Variants in COPG2 observed in about 807,000 individuals in gnomAD.
COPG2 encodes the protein coat protein complex I subunit gamma 2, also known as coatomer subunit gamma-2.
A neutral mutation model predicts 46.3 loss-of-function variants in COPG2; 37 were observed. The ratio of observed to expected loss-of-function variants is 0.80; its 90% confidence interval spans 0.61 to 1.05. The LOEUF (loss-of-function observed/expected upper bound fraction) is 1.05, where lower values mean the gene tolerates loss of function less well. Among genes scored for constraint, COPG2 ranks in the 50% least tolerant of loss-of-function variants. COPG2 has a pLI of 0.00. For missense variants in COPG2, 427 were observed against 387.8 expected, an observed-to-expected ratio of 1.10 and a Z score of -0.85; for synonymous variants, 159 against 129.7, an observed-to-expected ratio of 1.23 and a Z score of -1.53.
intron 6 of COPG2, among the ~76,000 whole-genome samples, 174 bp downstream of exon 6, chr7:130,616,816 A>G (rs1308921729): frequency 2.0e-5 from 3 of 152,190 alleles, no homozygotes; most frequent in African/African-American, 7.2e-5. Flanking sequence ...TAAATAAAGG[A>G]AAAAAATCTG....
In COPG2 at chr7:130,552,394, T is replaced by C; in HGVS notation, c.1505A>G (p.Asn502Ser). The change falls in exon 15 of 24, where the codon AAT (asparagine) becomes AGT (serine). Residue 502 changes from asparagine to serine, a missense_variant. Physicochemically the swap from Asn to Ser is conservative, Grantham distance 46. Transcript: ENST00000425248. ...AAGGATGCTTGGGAGAAGACTCTCA[T>C]TCTGAGCCCCAAATTTAGCCAAAGC... ...VSALAKFGAQ[N>S]ESLLPSILVL... The C allele has an allele frequency of 2.5e-6, 1 of 398,416 alleles. No individual in the cohort carries two copies. 24.7% of individuals were successfully genotyped at this position (398,416 alleles called of 1,614,324 possible).
At chr7:130,564,915 C>G (rs1341857199) in intron 9 of COPG2, among the ~76,000 whole-genome samples, 3 of 152,140 alleles carry the variant, frequency 2.0e-5, no homozygotes, top group African/African-American at 7.2e-5. Flanking sequence ...CATGAAAAGC[C>G]CTATGCCCAG....
At chr7:130,621,473 T>C (rs1795037015) in intron 5 of COPG2, among the ~76,000 whole-genome samples, 1 of 152,210 alleles carries the variant, frequency 6.6e-6, no homozygotes, top group Non-Finnish European at 1.5e-5. Context: ...CAAAGGCAGT[T>C]ATACACAATA....
intron 20 of COPG2, among the ~76,000 whole-genome samples, chr7:130,510,530 G>A (rs370007817): frequency 8.5e-5 from 13 of 152,172 alleles, no homozygotes; most frequent in South Asian, 8.3e-4. Flanking sequence ...ATTAAGCAGA[G>A]AGGCTACAGC....
intron 9 of COPG2, among the ~76,000 whole-genome samples, chr7:130,586,421 A>C (rs1489410494): frequency 6.6e-6 from 1 of 152,012 alleles, no homozygotes; most frequent in African/African-American, 2.4e-5. Flanking sequence ...TAAAGAACTT[A>C]CTTGTGTAAC....
At chr7:130,641,499 T>C (rs1353080699) in intron 5 of COPG2, among the ~76,000 whole-genome samples, 2 of 152,166 alleles carry the variant, frequency 1.3e-5, no homozygotes. Flanking sequence ...AGGACTATGG[T>C]TTCTGAAAGC....
intron 5 of COPG2, among the ~76,000 whole-genome samples, chr7:130,625,031 C>T (rs1795094353): frequency 6.6e-6 from 1 of 152,214 alleles, no homozygotes; most frequent in Non-Finnish European, 1.5e-5. Flanking sequence ...TTCCCATCAG[C>T]AGTGTAATAA....
chr7:130,540,197 T>G (rs2116369672), intron 20 of COPG2, among the ~76,000 whole-genome samples: 1 of 152,140 alleles, frequency 6.6e-6, no homozygotes, highest in Non-Finnish European at 1.5e-5. Flanking sequence ...ACTTTCTTAT[T>G]TAACTGAGCT....
At chr7:130,657,773 C>T (rs906439843) in intron 4 of COPG2, among the ~76,000 whole-genome samples, 3 of 151,380 alleles carry the variant, frequency 2.0e-5, no homozygotes, top group African/African-American at 7.3e-5. Flanking sequence ...GGTAAAAATA[C>T]AAATGAAAAG....
chr7:130,616,995 T>C lies in COPG2; in HGVS notation c.394A>G (p.Thr132Ala), dbSNP rs782048519. ...CAGTGAAACAGATAACTTACATCGG[T>C]GATCCTGCAGAGAGCTCTGATGGCC... ...GPAIRALCRI[T>A]DGTMLQAIER... Residue 132 changes from threonine to alanine, a missense_variant, in exon 6 of 24, where the codon ACC (threonine) becomes GCC (alanine). Transcript: ENST00000425248. 2.9e-5 allele frequency: 46 copies of C among 1,605,852 alleles called. No homozygotes were observed. In the South Asian group the frequency reaches 5.1e-4, roughly 18 times the overall value.
chr7:130,614,289 G>A (rs1794907742), intron 6 of COPG2, among the ~76,000 whole-genome samples: 1 of 152,150 alleles, frequency 6.6e-6, no homozygotes, highest in South Asian at 2.1e-4. Flanking sequence ...GTCTCACGCT[G>A]CTACCAATGT....
At chr7:130,555,596 G>A (rs1490287405) in intron 12 of COPG2, among the ~76,000 whole-genome samples, 1 of 152,162 alleles carries the variant, frequency 6.6e-6, no homozygotes, top group Non-Finnish European at 1.5e-5. Context: ...GGAGGCTAAG[G>A]TGGGTGGATC....
intron 5 of COPG2, among the ~76,000 whole-genome samples, chr7:130,626,413 T>A (rs1418382253): frequency 1.2e-4 from 18 of 148,940 alleles, no homozygotes; most frequent in Admixed American, 3.3e-4. Context: ...TTTTTTTTTT[T>A]TTTTTTTTCT....
chr7:130,524,370 G>C (rs1462563929), intron 20 of COPG2, among the ~76,000 whole-genome samples: 3 of 152,188 alleles, frequency 2.0e-5, no homozygotes, highest in Admixed American at 6.5e-5. Flanking sequence ...AGGTGGGACA[G>C]TACCGTGCTA....
intron 9 of COPG2, among the ~76,000 whole-genome samples, chr7:130,604,953 T>C (rs913028782): frequency 4.6e-5 from 7 of 152,214 alleles, no homozygotes; most frequent in African/African-American, 1.7e-4. Context: ...AAATGAGGTA[T>C]ATTATGCTAT....
chr7:130,631,050 T>C (rs1333132603), intron 5 of COPG2, among the ~76,000 whole-genome samples: 1 of 152,170 alleles, frequency 6.6e-6, no homozygotes, highest in African/African-American at 2.4e-5. Context: ...TCCCTTTTAA[T>C]TGAAGTGTTT....
At chr7:130,667,641 G>T in intron 1 of COPG2, 107 bp from the exon 2 acceptor site, 1 of 795,248 alleles carries the variant, frequency 1.3e-6, no homozygotes, top group Non-Finnish European at 2.1e-6. Context: ...CACTTGGATG[G>T]CACAGTGATA....
chr7:130,581,501 A>G (rs1318591787), intron 9 of COPG2, among the ~76,000 whole-genome samples: 11 of 147,230 alleles, frequency 7.5e-5, no homozygotes, highest in Non-Finnish European at 1.7e-4. Flanking sequence ...GGCCAGGGCA[A>G]TTGGGCAGGA....
chr7:130,645,391 T>G (rs1178124131), intron 5 of COPG2: 3 of 529,982 alleles, frequency 5.7e-6, no homozygotes, highest in African/African-American at 1.9e-5. Context: ...CAGGACCGAC[T>G]CCATGGGCTC....
Sources: gnomAD v4.1 joint callset for allele counts (sites outside exome capture counted in the v4.1 genomes callset) on GRCh38, gnomAD v4.1.1 for gene constraint, MANE v1.5 for transcripts, NCBI Gene and HGNC (gene_info 2026-07-23, HGNC 2026-07-21) for gene names.